PLEKHG1: variants seen among roughly 807,000 people sequenced by gnomAD.
The protein encoded by PLEKHG1 is pleckstrin homology domain-containing family G member 1.
In PLEKHG1, 44 loss-of-function variants were observed where a neutral mutation model predicts 100.8. The ratio of observed to expected loss-of-function variants is 0.44; its 90% CI spans 0.34 to 0.56. The LOEUF (loss-of-function observed/expected upper bound fraction) is 0.56, where lower values mean the gene tolerates loss of function less well. Among genes scored for constraint, PLEKHG1 ranks in the 20% least tolerant of loss-of-function variants. The pLI is 0.01. For synonymous variants in PLEKHG1, 640 were observed against 662.5 expected (o/e 0.97, Z 0.52); for missense variants, 1,545 against 1,720.9 (o/e 0.90, Z 1.81).
At chr6:150,726,227 T>C (rs1781957359) in intron 1 of PLEKHG1, among the ~76,000 whole-genome samples, 1 of 152,170 alleles carries the variant, frequency 6.6e-6, no homozygotes, top group Admixed American at 6.5e-5. Flanking sequence ...TACTATATTG[T>C]ATACTTAAAA....
intron 3 of PLEKHG1, among the ~76,000 whole-genome samples, chr6:150,713,022 T>C (rs529212398): frequency 6.6e-6 from 1 of 152,246 alleles, no homozygotes; most frequent in Non-Finnish European, 1.5e-5. Context: ...ATACTTGTCA[T>C]TTTTTGTTTG....
rs369831478 is a variant in PLEKHG1, at chr6:150,836,594, A to G, written c.3095-3239A>G. On this transcript the variant is annotated intron_variant, in intron 15 of 15. Coordinates refer to ENST00000358517, the Ensembl canonical transcript of PLEKHG1. ...CACTTTGAGAGGCCAAAGCAGGAAGATTGCTTGAGCTCAGGAGTTTGTGAC... is the reference window on the plus strand; with the variant it reads ...CACTTTGAGAGGCCAAAGCAGGAAGGTTGCTTGAGCTCAGGAGTTTGTGAC... Among the ~76,000 whole-genome samples, 69 of 152,182 alleles carry G rather than the reference A, an allele frequency of 4.5e-4. 3 individuals are homozygous for G. The South Asian group carries it at 0.011, about 24-fold the overall frequency.
intron 3 of PLEKHG1, among the ~76,000 whole-genome samples, chr6:150,694,255 C>A (rs904843909): frequency 6.6e-6 from 1 of 152,196 alleles, no homozygotes; most frequent in Non-Finnish European, 1.5e-5. Context: ...TGTCTAGGTT[C>A]AAATGCCAGT....
chr6:150,775,436 G>A lies in PLEKHG1; in HGVS notation c.512+6698G>A, dbSNP rs541779674. 1.6e-3 allele frequency among the ~76,000 whole-genome samples: 242 copies of A among 152,264 alleles called. 2 individuals carry two copies. Among genetic ancestry groups the A allele is most frequent in the South Asian group, 0.011 (51 of 4,824 alleles). ...TCTCTCCTTCCCTCAGAAGATCAGAGTAAAACTTTCCTTTTTCCTTCAACT... is the reference window on the plus strand; with the variant it reads ...TCTCTCCTTCCCTCAGAAGATCAGAATAAAACTTTCCTTTTTCCTTCAACT... On this transcript the variant is annotated intron_variant, in intron 3 of 15. Coordinates refer to ENST00000358517, the Ensembl canonical transcript of PLEKHG1.
intron 3 of PLEKHG1, among the ~76,000 whole-genome samples, chr6:150,779,593 G>T (rs1021656813): frequency 6.6e-6 from 1 of 151,460 alleles, no homozygotes; most frequent in African/African-American, 2.4e-5. Flanking sequence ...TGATCCGCCC[G>T]CCTCGGCCTC....
At chr6:150,687,915 T>C (rs1054279783) in intron 3 of PLEKHG1, among the ~76,000 whole-genome samples, 1 of 152,244 alleles carries the variant, frequency 6.6e-6, no homozygotes, top group Admixed American at 6.5e-5. Flanking sequence ...ACAAATGTTA[T>C]CATCTGTTTT....
rs148546140 is a variant in PLEKHG1, at chr6:150,677,783, G to C, written c.-99+26997G>C. On this transcript the variant is annotated intron_variant, in intron 3 of 3. Coordinates refer to the PLEKHG1 transcript ENST00000367326. Reference sequence around the variant, plus strand: ...TCCCAGCTACTTGGGAGATTGAGGAGGGCGGGTCACTTGAGCCTGGGAGTT... The same window carrying C: ...TCCCAGCTACTTGGGAGATTGAGGACGGCGGGTCACTTGAGCCTGGGAGTT... 4.5e-3 allele frequency among the ~76,000 whole-genome samples: 690 copies of C among 151,944 alleles called. 7 individuals carry two copies. Among genetic ancestry groups the C allele is most frequent in the East Asian group, 0.024 (124 of 5,162 alleles).
At chr6:150,612,056 CCCCCT>C (rs1261559881) in intron 1 of PLEKHG1, among the ~76,000 whole-genome samples, 4 of 107,836 alleles carry the variant, frequency 3.7e-5, no homozygotes, top group African/African-American at 1.3e-4. Context: ...CCCCCCCCCC[CCCCCT>C]TTTCTAGTTC....
At chr6:150,631,261 C>T (rs959932601) in intron 1 of PLEKHG1, among the ~76,000 whole-genome samples, 5 of 152,200 alleles carry the variant, frequency 3.3e-5, no homozygotes, top group African/African-American at 1.2e-4. Context: ...CTGTCTCTCT[C>T]TCTCTCAATC....
chr6:150,821,830 TTA>T (rs969014498), intron 13 of PLEKHG1, among the ~76,000 whole-genome samples: 5 of 55,006 alleles, frequency 9.1e-5, no homozygotes, highest in African/African-American at 2.5e-4. Flanking sequence ...GAGGACTCTT[TTA>T]TTTTTTTTTT....
chr6:150,795,670 C>A (rs534595849), intron 4 of PLEKHG1, among the ~76,000 whole-genome samples, 186 bp from the exon 6 acceptor site: 2 of 150,422 alleles, frequency 1.3e-5, no homozygotes, highest in Non-Finnish European at 3.0e-5. Context: ...TGCAGTGAGC[C>A]GAGATCATGC....
At position 150,796,394 on chromosome 6, in the gene PLEKHG1, T is replaced by C. The variant is rs1245690192; in HGVS notation, c.629+492T>C. ...ATAAGCCTAGATGAGAAGAGGGGCA[T>C]CGTCATCTCGCCTGGGTTGTTGGTT... is the stretch of plus-strand genomic sequence containing the variant. On this transcript the variant is annotated intron_variant, in intron 5 of 15. Coordinates refer to ENST00000358517, the Ensembl canonical transcript of PLEKHG1. Among the ~76,000 whole-genome samples the C allele has an allele frequency of 3.9e-5, 6 of 152,178 alleles. No homozygotes were observed. The East Asian group carries it at 9.7e-4, about 24-fold the overall frequency.
chr6:150,660,330 G>A (rs1779137194), intron 3 of PLEKHG1, among the ~76,000 whole-genome samples: 1 of 152,124 alleles, frequency 6.6e-6, no homozygotes, highest in Admixed American at 6.5e-5. Context: ...AAACATGGCT[G>A]TATATAGAAA....
At chr6:150,791,789 A>G (rs969789745) in intron 4 of PLEKHG1, among the ~76,000 whole-genome samples, 2 of 152,232 alleles carry the variant, frequency 1.3e-5, no homozygotes, top group Non-Finnish European at 2.9e-5. Flanking sequence ...TCCAAAAAGC[A>G]GTCTCCACAA....
At chr6:150,612,055 C>CT (rs1396144713) in intron 1 of PLEKHG1, among the ~76,000 whole-genome samples, 1 of 104,812 alleles carries the variant, frequency 9.5e-6, no homozygotes, top group Non-Finnish European at 2.3e-5. Flanking sequence ...TCCCCCCCCC[C>CT]CCCCCTTTTC....
At chr6:150,803,169 G>T (rs947371687) in intron 6 of PLEKHG1, among the ~76,000 whole-genome samples, 1 of 152,152 alleles carries the variant, frequency 6.6e-6, no homozygotes, top group Non-Finnish European at 1.5e-5. Context: ...TTTCTAGCTA[G>T]ATGAAAAACT....
At chr6:150,713,448 G>C (rs928634858) in intron 3 of PLEKHG1, among the ~76,000 whole-genome samples, 17 of 152,264 alleles carry the variant, frequency 1.1e-4, no homozygotes, top group African/African-American at 4.1e-4. Flanking sequence ...AACCACCCAC[G>C]TCAGTTCTAG....
intron 2 of PLEKHG1, among the ~76,000 whole-genome samples, chr6:150,644,332 G>GGGTTTTTTTTTTTTTTTTTTTTTTTTTTT (rs1562404967): frequency 3.1e-5 from 3 of 96,560 alleles, no homozygotes; most frequent in East Asian, 2.8e-4. Flanking sequence ...TTTTCTTTTC[G>GGGTTTTTTTTTTTTTTTTTTTTTTTTTTT]TGTTTTTTTT....
At chr6:150,802,393 T>C (rs1353401023) in intron 6 of PLEKHG1, among the ~76,000 whole-genome samples, 1 of 152,190 alleles carries the variant, frequency 6.6e-6, no homozygotes, top group Non-Finnish European at 1.5e-5. Flanking sequence ...AAGACTGGTG[T>C]GTCCCAAAAA....
Sources: allele counts gnomAD v4.1 joint callset (sites outside exome capture counted in the v4.1 genomes callset), GRCh38; gene constraint gnomAD v4.1.1; transcripts MANE v1.5; gene names NCBI Gene and HGNC (gene_info 2026-07-23, HGNC 2026-07-21).